Variants in OPA3 observed in about 807,000 individuals in gnomAD.
OPA3 encodes optic atrophy 3 protein.
In OPA3, 6 loss-of-function variants were observed where a neutral mutation model predicts 4.0. The ratio of observed to expected loss-of-function variants is 1.51; its 90% confidence interval spans 0.83 to 2.99. OPA3 has a LOEUF of 2.99. Ranked by LOEUF, OPA3 falls within the 30% of genes most tolerant of loss-of-function variation. The pLI is 0.00. For missense variants in OPA3, 235 were observed against 256.2 expected (o/e 0.92, Z 0.56); for synonymous variants, 105 against 117.1 (o/e 0.90, Z 0.67).
At chr19:45,531,937 A>C (rs1301548466) in intron 1 of OPA3, among the ~76,000 whole-genome samples, 1 of 152,184 alleles carries the variant, frequency 6.6e-6, no homozygotes, top group Non-Finnish European at 1.5e-5. Context: ...TAGAGGTCTG[A>C]CCTTTGCCTT....
intron 1 of OPA3, among the ~76,000 whole-genome samples, chr19:45,571,891 C>T (rs1442382170): frequency 6.6e-6 from 1 of 152,050 alleles, no homozygotes; most frequent in Non-Finnish European, 1.5e-5. Flanking sequence ...TTGTAGCTGT[C>T]CTTTCTAGAA....
intron 1 of OPA3, among the ~76,000 whole-genome samples, chr19:45,568,115 T>G (rs1969610060): frequency 6.6e-6 from 1 of 152,280 alleles, no homozygotes; most frequent in African/African-American, 2.4e-5. Context: ...TCTCCAGTTT[T>G]AGCCTCCCAA....
intron 1 of OPA3, among the ~76,000 whole-genome samples, chr19:45,581,586 G>A (rs1042383010): frequency 1.3e-5 from 2 of 152,230 alleles, no homozygotes; most frequent in African/African-American, 4.8e-5. Context: ...GGTCCCTGCT[G>A]TTTCGCCAGC....
At chr19:45,534,290 T>C (rs1257721629) in intron 1 of OPA3, among the ~76,000 whole-genome samples, 1 of 152,098 alleles carries the variant, frequency 6.6e-6, no homozygotes, top group Non-Finnish European at 1.5e-5. Flanking sequence ...GGCCAGGCGC[T>C]GTGGCTCATG....
intron 1 of OPA3, among the ~76,000 whole-genome samples, chr19:45,575,247 T>C (rs553853590): frequency 5.3e-5 from 8 of 151,722 alleles, no homozygotes; most frequent in Admixed American, 2.6e-4. Context: ...GGACCACAGG[T>C]ACCCGCTAAA....
At chr19:45,564,186 G>A (rs1969547111) in intron 1 of OPA3, among the ~76,000 whole-genome samples, 1 of 147,080 alleles carries the variant, frequency 6.8e-6, no homozygotes, top group Non-Finnish European at 1.5e-5. Flanking sequence ...GGTTGGGAGG[G>A]TATGCGACTA....
Position 45,577,687 on chromosome 19 carries a change from C to T in OPA3, c.142+6936G>A, listed in dbSNP as rs144555718. Among the ~76,000 whole-genome samples, 145 of 152,278 alleles carry T rather than the reference C, an allele frequency of 9.5e-4. 2 individuals carry two copies. In the South Asian group the frequency reaches 0.019, roughly 20 times the overall value. Reference sequence around the variant, plus strand: ...TTGACATGGTTACACCTTAACCAAGCGATCCAAATCACCATCACAAATGAC... The same window carrying T: ...TTGACATGGTTACACCTTAACCAAGTGATCCAAATCACCATCACAAATGAC... On this transcript the variant is annotated intron_variant, in intron 1 of 1. Transcript: ENST00000263275.
intron 1 of OPA3, among the ~76,000 whole-genome samples, chr19:45,572,309 GACATATATGAGATATATA>G (rs1969681103): frequency 3.0e-5 from 3 of 99,840 alleles, no homozygotes; most frequent in Non-Finnish European, 6.7e-5. Flanking sequence ...CATATATATC[GACATATATGAGATATATA>G]TCGATATATA....
chr19:45,536,001 C>T (rs1365990887), intron 1 of OPA3, among the ~76,000 whole-genome samples: 10 of 151,512 alleles, frequency 6.6e-5, no homozygotes, highest in Admixed American at 2.0e-4. Flanking sequence ...CCAAGGTAGG[C>T]GGATCACCTG....
chr19:45,576,137 C>T (rs902573179), intron 1 of OPA3, among the ~76,000 whole-genome samples: 1 of 152,234 alleles, frequency 6.6e-6, no homozygotes, highest in Admixed American at 6.5e-5. Flanking sequence ...GCAGGAGAAT[C>T]GCTTGAAACC....
intron 1 of OPA3, among the ~76,000 whole-genome samples, chr19:45,582,762 C>T (rs1969875501): frequency 6.6e-6 from 1 of 152,102 alleles, no homozygotes; most frequent in Admixed American, 6.6e-5. Flanking sequence ...ATATCTCAAG[C>T]ACTGATCTTA....
intron 1 of OPA3, among the ~76,000 whole-genome samples, chr19:45,566,495 G>T (rs912294077): frequency 1.4e-5 from 2 of 147,704 alleles, no homozygotes; most frequent in African/African-American, 2.5e-5. Flanking sequence ...TTTTTGAGAC[G>T]GAGTCTCGCT....
chr19:45,578,268 G>A (rs2122511500), intron 1 of OPA3, among the ~76,000 whole-genome samples: 1 of 152,250 alleles, frequency 6.6e-6, no homozygotes, highest in Middle Eastern at 3.4e-3. Context: ...TCATGCAGCT[G>A]GAGGATACAA....
exon 2 of OPA3, chr19:45,528,887 T>C: frequency 1.4e-6 from 1 of 723,548 alleles, no homozygotes; most frequent in South Asian, 1.8e-5. Context: ...ACTGGGCAGG[T>C]TAGTAGGGAG....
At position 45,549,745 on chromosome 19, in the gene OPA3, G is replaced by A; in HGVS notation, c.*3769C>T. ...TCAGTCCACCTTGGCCTCTCAAAGT[G>A]CTGGGATGACAGGCGTGAGCTGGCC... is the stretch of plus-strand genomic sequence containing the variant. On this transcript the variant is annotated 3_prime_UTR_variant, in exon 2 of 2. Transcript: ENST00000263275. 1.0e-6 allele frequency: 1 copy of A among 984,926 alleles called. No homozygotes were observed. The allele number at this position is 984,926 out of a possible 1,614,324, so 61.0% of individuals were successfully genotyped here. A position where few individuals can be genotyped will look rare whatever the true frequency, so the allele number is the denominator to read the frequency against.
downstream of OPA3, among the ~76,000 whole-genome samples, chr19:45,544,672 T>C (rs1024277946): frequency 4.6e-5 from 7 of 152,124 alleles, no homozygotes; most frequent in Non-Finnish European, 1.0e-4. Flanking sequence ...CACACACCTG[T>C]GATCCCAGCT....
intron 1 of OPA3, among the ~76,000 whole-genome samples, chr19:45,571,104 C>T (rs938209624): frequency 2.0e-5 from 3 of 151,376 alleles, no homozygotes; most frequent in African/African-American, 4.9e-5. Flanking sequence ...TAGCGCTATA[C>T]ATGACTGCTA....
chr19:45,578,684 G>A lies in OPA3; in HGVS notation c.142+5939C>T, dbSNP rs188518461. Among the ~76,000 whole-genome samples, 47 of 151,794 alleles carry A rather than the reference G, an allele frequency of 3.1e-4. No homozygotes were observed. In the East Asian group the frequency reaches 6.6e-3, roughly 21 times the overall value. ...CTCTACTTAAAATACAAAATTAGCCGGGCGTGGTGGCGCATGCCTGTAATC... is the reference window on the plus strand; with the variant it reads ...CTCTACTTAAAATACAAAATTAGCCAGGCGTGGTGGCGCATGCCTGTAATC... On this transcript the variant is annotated intron_variant, in intron 1 of 1. Coordinates refer to ENST00000263275, the MANE Select transcript of OPA3 (RefSeq NM_025136.4).
At position 45,551,535 on chromosome 19, in the gene OPA3, C is replaced by A. The variant is rs1969333095; in HGVS notation, c.*1979G>T. 1.1e-5 allele frequency: 2 copies of A among 188,782 alleles called. No individual in the cohort carries two copies. The highest frequency in any genetic ancestry group is 1.3e-4 in the Admixed American group (2 of 15,288). The allele number at this position is 188,782 out of a possible 1,614,324, so 11.7% of individuals were successfully genotyped here. ...AGCTGCAGGCAGAGCCAAGGAAGGC[C>A]TGGAATCACCAGGAGCTGGAAGAGG... is the stretch of plus-strand genomic sequence containing the variant. On this transcript the variant is annotated 3_prime_UTR_variant, in exon 2 of 2. Coordinates refer to ENST00000263275, the MANE Select transcript of OPA3 (RefSeq NM_025136.4).
Sources: allele counts gnomAD v4.1 joint callset (sites outside exome capture counted in the v4.1 genomes callset), GRCh38; gene constraint gnomAD v4.1.1; transcripts MANE v1.5; gene names NCBI Gene and HGNC (gene_info 2026-07-23, HGNC 2026-07-21).